Variants in PTPRK observed in about 807,000 individuals in gnomAD.
PTPRK encodes the protein receptor-type tyrosine-protein phosphatase kappa.
A neutral mutation model predicts 178.0 loss-of-function variants in PTPRK; 75 were observed. The ratio of observed to expected loss-of-function variants is 0.42; its 90% confidence interval spans 0.35 to 0.51. The LOEUF is 0.51. Ranked by LOEUF, PTPRK falls within the 20% of genes least tolerant of loss-of-function variation. The probability of loss-of-function intolerance (pLI) is 0.02; values close to 1 mark genes in which losing one functional copy is unlikely to be tolerated. For synonymous variants in PTPRK, 637 were observed against 620.6 expected (o/e 1.03, Z -0.39); for missense variants, 1,441 against 1,797.8 (o/e 0.80, Z 3.59).
chr6:128,508,072 G>A (rs1413379519), intron 1 of PTPRK, among the ~76,000 whole-genome samples: 2 of 152,138 alleles, frequency 1.3e-5, no homozygotes, highest in East Asian at 3.8e-4. Flanking sequence ...CAAACTGTAA[G>A]ACAGACAGAG....
intron 7 of PTPRK, among the ~76,000 whole-genome samples, chr6:128,135,074 TC>T (rs1184612177): frequency 5.6e-5 from 7 of 125,394 alleles, no homozygotes; most frequent in African/African-American, 2.7e-4. Flanking sequence ...AATTAATCAT[TC>T]AATCACACAC....
intron 2 of PTPRK, among the ~76,000 whole-genome samples, chr6:128,348,099 G>A (rs984882876): frequency 6.6e-6 from 1 of 151,736 alleles, no homozygotes; most frequent in Non-Finnish European, 1.5e-5. Flanking sequence ...AAAAGCTGTG[G>A]AGAATAAAAA....
chr6:128,036,186 G>A (rs1776172091), intron 13 of PTPRK, among the ~76,000 whole-genome samples: 1 of 152,142 alleles, frequency 6.6e-6, no homozygotes, highest in South Asian at 2.1e-4. Flanking sequence ...AGGCAACCAA[G>A]GCTTCTCCCA....
chr6:128,097,551 T>A (rs79928934), intron 7 of PTPRK, among the ~76,000 whole-genome samples: 2,896 of 152,294 alleles, frequency 0.019, 85 homozygotes, highest in African/African-American at 0.064. Context: ...TGTCTTATCA[T>A]CAGACCTAAT....
chr6:128,195,544 C>T (rs1344880838), intron 6 of PTPRK, among the ~76,000 whole-genome samples: 3 of 150,592 alleles, frequency 2.0e-5, no homozygotes, highest in Admixed American at 2.0e-4. Flanking sequence ...TTCTACATGT[C>T]TATGTAGGGT....
intron 1 of PTPRK, among the ~76,000 whole-genome samples, chr6:128,402,073 A>C (rs916014049): frequency 9.9e-5 from 15 of 152,194 alleles, no homozygotes; most frequent in South Asian, 2.1e-4. Flanking sequence ...CCATGATATA[A>C]ATTTGTTGAT....
intron 7 of PTPRK, among the ~76,000 whole-genome samples, chr6:128,162,692 T>G (rs1355311812): frequency 1.3e-5 from 2 of 151,696 alleles, no homozygotes; most frequent in African/African-American, 4.8e-5. Flanking sequence ...TCGTAAACTT[T>G]GAGTAGTAAA....
chr6:128,073,628 G>C (rs1783237805), intron 11 of PTPRK, among the ~76,000 whole-genome samples: 1 of 152,004 alleles, frequency 6.6e-6, no homozygotes, highest in African/African-American at 2.4e-5. Flanking sequence ...AGACAGGTCT[G>C]GCTCAGGGCT....
chr6:128,087,365 T>C (rs1331865256), intron 8 of PTPRK, among the ~76,000 whole-genome samples: 1 of 152,148 alleles, frequency 6.6e-6, no homozygotes, highest in African/African-American at 2.4e-5. Context: ...GAATATACTT[T>C]AATAACTGAA....
intron 13 of PTPRK, among the ~76,000 whole-genome samples, chr6:128,017,814 A>G (rs917711921): frequency 1.2e-4 from 16 of 132,632 alleles, no homozygotes; most frequent in African/African-American, 3.9e-4. Flanking sequence ...ATATATATAT[A>G]TATATATATA....
intron 15 of PTPRK, chr6:128,003,119 A>G: frequency 7.1e-7 from 1 of 1,413,744 alleles, no homozygotes; most frequent in South Asian, 1.2e-5. Context: ...TGCACTGTAA[A>G]TAATCTCTAT....
intron 3 of PTPRK, among the ~76,000 whole-genome samples, chr6:128,262,248 A>G (rs1450945568): frequency 6.6e-6 from 1 of 152,204 alleles, no homozygotes; most frequent in Non-Finnish European, 1.5e-5. Context: ...CTAGGTTTAA[A>G]ATGTGAGACA....
intron 13 of PTPRK, among the ~76,000 whole-genome samples, chr6:128,055,414 T>C (rs114675631): frequency 0.011 from 1,631 of 152,316 alleles, 31 homozygotes; most frequent in African/African-American, 0.036. Context: ...TAAGTAATGG[T>C]GTAGAGTTGG....
intron 1 of PTPRK, among the ~76,000 whole-genome samples, chr6:128,427,638 A>T (rs954476497): frequency 2.6e-5 from 4 of 152,318 alleles, no homozygotes; most frequent in Admixed American, 1.3e-4. Context: ...ACATTTAATG[A>T]ATCTATTACT....
At chr6:128,517,317 A>C (rs1301901750) in intron 1 of PTPRK, among the ~76,000 whole-genome samples, 1 of 152,188 alleles carries the variant, frequency 6.6e-6, no homozygotes, top group African/African-American at 2.4e-5. Flanking sequence ...TCCCCATTTT[A>C]CAGAGGAGAA....
intron 2 of PTPRK, among the ~76,000 whole-genome samples, chr6:128,361,262 T>C (rs1834700001): frequency 6.6e-6 from 1 of 152,146 alleles, no homozygotes. Flanking sequence ...GTTCCCCTCA[T>C]TTTCAGTTTG....
At chr6:128,169,700 A>G (rs958948300) in intron 7 of PTPRK, among the ~76,000 whole-genome samples, 2 of 152,038 alleles carry the variant, frequency 1.3e-5, no homozygotes, top group African/African-American at 2.4e-5. Flanking sequence ...TGCTTAATAC[A>G]TAGACATAAC....
chr6:128,324,919 G>T (rs889399004), intron 2 of PTPRK, among the ~76,000 whole-genome samples: 1 of 152,076 alleles, frequency 6.6e-6, no homozygotes. Flanking sequence ...AGAATAACTG[G>T]CTCCCAATCC....
chr6:128,040,378 A>T, intron 13 of PTPRK, among the ~76,000 whole-genome samples: 1 of 152,126 alleles, frequency 6.6e-6, no homozygotes, highest in East Asian at 1.9e-4. Flanking sequence ...CAGTGAAACC[A>T]TCCCTACCTC....
Sources: allele counts gnomAD v4.1 joint callset (sites outside exome capture counted in the v4.1 genomes callset), GRCh38; gene constraint gnomAD v4.1.1; transcripts MANE v1.5; gene names NCBI Gene and HGNC (gene_info 2026-07-23, HGNC 2026-07-21).